The following SEPTIN7 variants were observed in gnomAD, a reference collection of about 807,000 sequenced individuals.
The protein encoded by SEPTIN7 is septin-7.
In SEPTIN7, 10 loss-of-function variants were observed where a neutral mutation model predicts 63.3. The observed-to-expected ratio is 0.16, with a 90% CI of 0.10 to 0.27. The LOEUF (loss-of-function observed/expected upper bound fraction) is 0.27, where lower values mean the gene tolerates loss of function less well. Among genes scored for constraint, SEPTIN7 ranks in the 10% least tolerant of loss-of-function variants. SEPTIN7 has a pLI of 1.00. For synonymous variants in SEPTIN7, 131 were observed against 165.3 expected (o/e 0.79, Z 1.59); for missense variants, 310 against 521.0 (o/e 0.59, Z 3.94).
intron 1 of SEPTIN7, among the ~76,000 whole-genome samples, chr7:35,817,551 C>T (rs974265535): frequency 6.6e-6 from 1 of 151,998 alleles, no homozygotes; most frequent in Non-Finnish European, 1.5e-5. Flanking sequence ...GAACTATAGG[C>T]TTAGTTTGCT....
chr7:35,908,051 G>A (rs1788665821), downstream of SEPTIN7, among the ~76,000 whole-genome samples: 1 of 152,178 alleles, frequency 6.6e-6, no homozygotes, highest in Admixed American at 6.5e-5. Context: ...TTTGTGCACA[G>A]AGATAGTCTT....
chr7:35,855,241 G>C (rs1259278506), intron 3 of SEPTIN7, among the ~76,000 whole-genome samples: 3 of 152,054 alleles, frequency 2.0e-5, no homozygotes, highest in Non-Finnish European at 4.4e-5. Context: ...ATTCCTGTCA[G>C]TATATTCTTA....
chr7:35,872,436 A>G (rs1388866180), intron 4 of SEPTIN7, among the ~76,000 whole-genome samples: 1 of 152,124 alleles, frequency 6.6e-6, no homozygotes, highest in Non-Finnish European at 1.5e-5. Flanking sequence ...CCCAGTATGA[A>G]TTTGCCAAGA....
Position 35,904,645 on chromosome 7 carries a change from T to A in SEPTIN7, c.*352T>A, listed in dbSNP as rs1290796357. The A allele has an allele frequency of 1.2e-5, 2 of 171,088 alleles. No homozygotes were observed. The allele number at this position is 171,088 out of a possible 1,614,324, so 10.6% of individuals were successfully genotyped here. ...CCAAAATAAAAGGACTCTGGAAGAT[T>A]TTCATTGAGGATAAATTGCCATAAT... On this transcript the variant is annotated 3_prime_UTR_variant, in exon 14 of 14. Transcript: ENST00000350320.
intron 10 of SEPTIN7, among the ~76,000 whole-genome samples, chr7:35,889,644 A>G (rs980210963): frequency 2.0e-5 from 3 of 152,112 alleles, no homozygotes; most frequent in East Asian, 3.9e-4. Flanking sequence ...CCTGGGTTCA[A>G]GCGATTCTCC....
At chr7:35,895,004 TC>T (rs1318249198) in intron 11 of SEPTIN7, among the ~76,000 whole-genome samples, 2 of 152,186 alleles carry the variant, frequency 1.3e-5, no homozygotes, top group East Asian at 3.8e-4. Flanking sequence ...AGTTTCATAT[TC>T]CGGTTATGTT....
At chr7:35,867,998 G>A (rs1379161676) in intron 4 of SEPTIN7, among the ~76,000 whole-genome samples, 1 of 151,108 alleles carries the variant, frequency 6.6e-6, no homozygotes, top group Admixed American at 6.6e-5. Flanking sequence ...TTAGCCTCCC[G>A]GGTAGCTGGG....
chr7:35,866,623 A>G (rs759211907), intron 4 of SEPTIN7, among the ~76,000 whole-genome samples: 7 of 152,198 alleles, frequency 4.6e-5, no homozygotes, highest in Non-Finnish European at 8.8e-5. Flanking sequence ...TCACATTCAC[A>G]GTCTTGGAAG....
intron 1 of SEPTIN7, among the ~76,000 whole-genome samples, chr7:35,830,879 T>C (rs576921768): frequency 6.6e-6 from 1 of 152,332 alleles, no homozygotes; most frequent in Admixed American, 6.5e-5. Flanking sequence ...TTAGCTTCCT[T>C]CCTTTTCCTG....
chr7:35,814,902 A>G (rs10245422), intron 1 of SEPTIN7, among the ~76,000 whole-genome samples: 72,734 of 149,846 alleles, frequency 0.49, 19,235 homozygotes, highest in African/African-American at 0.72. Flanking sequence ...CTAAACCTGG[A>G]AGGCAGGGCT....
At chr7:35,824,300 T>A (rs1783394569) in intron 1 of SEPTIN7, among the ~76,000 whole-genome samples, 1 of 152,154 alleles carries the variant, frequency 6.6e-6, no homozygotes. Context: ...ACAGTTGACC[T>A]CCTTTGAAAT....
At chr7:35,833,553 G>C (rs1300729989) in intron 3 of SEPTIN7, among the ~76,000 whole-genome samples, 3 of 151,888 alleles carry the variant, frequency 2.0e-5, no homozygotes, top group African/African-American at 7.2e-5. Flanking sequence ...CCATCTATAA[G>C]ATTAGTTATC....
At position 35,905,429 on chromosome 7, in the gene SEPTIN7, T is replaced by C. The variant is rs1481991169; in HGVS notation, c.*1136T>C. The C allele has an allele frequency of 2.0e-5, 3 of 152,280 alleles. No individual in the cohort carries two copies. The highest frequency in any genetic ancestry group is 4.4e-5 in the Non-Finnish European group (3 of 68,046). The allele number at this position is 152,280 out of a possible 1,614,324, so 9.4% of individuals were successfully genotyped here. A position where few individuals can be genotyped will look rare whatever the true frequency, so the allele number is the denominator to read the frequency against. ...ACATCTTTTATATGCTTGTCTCATTTAGAATGCATATGTGCTGATTTTCTA... is the reference window on the plus strand; with the variant it reads ...ACATCTTTTATATGCTTGTCTCATTCAGAATGCATATGTGCTGATTTTCTA... On this transcript the variant is annotated 3_prime_UTR_variant, in exon 14 of 14. Coordinates refer to ENST00000350320, the MANE Select transcript of SEPTIN7 (RefSeq NM_001788.6).
At chr7:35,883,628 T>A in intron 8 of SEPTIN7, among the ~76,000 whole-genome samples, 1 of 151,612 alleles carries the variant, frequency 6.6e-6, no homozygotes, top group Non-Finnish European at 1.5e-5. Flanking sequence ...TGATTTTTAG[T>A]AAATAATTTG....
rs746005567 is a variant in SEPTIN7 at position 35,879,905 on chromosome 7, C to T, written c.595C>T (p.Leu199Phe). 4.6e-5 allele frequency: 74 copies of T among 1,598,222 alleles called. No homozygotes were observed. The highest frequency in any genetic ancestry group is 6.1e-5 in the Non-Finnish European group (72 of 1,171,322). The part of the protein sequence containing the change: ...IIPLIAKADT[L>F]TPEECQQFKK... ...CCCACTTATTGCCAAAGCAGACACA[C>T]TCACACCAGAGGAATGCCAACAGTT... The change falls in exon 7 of 14, where the codon CTC becomes TTC. Residue 199 changes from leucine to phenylalanine, a missense_variant. Leu to Phe is a conservative substitution (Grantham distance 22). Transcript: ENST00000350320.
chr7:35,902,825 C>T (rs1788401293), intron 12 of SEPTIN7: 3 of 377,076 alleles, frequency 8.0e-6, no homozygotes, highest in Middle Eastern at 6.8e-4. Flanking sequence ...GTACTCCACA[C>T]TGTTAAGTTT....
chr7:35,830,241 T>A (rs13245373), intron 1 of SEPTIN7, among the ~76,000 whole-genome samples: 73,357 of 151,690 alleles, frequency 0.48, 19,427 homozygotes, highest in African/African-American at 0.71. Flanking sequence ...CATGAAGTGA[T>A]AGTATGCACT....
At chr7:35,887,312 A>C (rs1306610406) in intron 10 of SEPTIN7, among the ~76,000 whole-genome samples, 1 of 152,182 alleles carries the variant, frequency 6.6e-6, no homozygotes, top group Non-Finnish European at 1.5e-5. Flanking sequence ...AATTTCCTAC[A>C]TACCTAAAAC....
At chr7:35,910,319 C>A (rs898863960), downstream of SEPTIN7, among the ~76,000 whole-genome samples, 1 of 152,192 alleles carries the variant, frequency 6.6e-6, no homozygotes, top group Admixed American at 6.5e-5. Flanking sequence ...TCTTATTTGG[C>A]AAACCCATTT....
Sources: allele counts gnomAD v4.1 joint callset (sites outside exome capture counted in the v4.1 genomes callset), GRCh38; gene constraint gnomAD v4.1.1; transcripts MANE v1.5; gene names NCBI Gene and HGNC (gene_info 2026-07-23, HGNC 2026-07-21).